Variants in ATAD3B observed in about 807,000 individuals in gnomAD.
The protein encoded by ATAD3B is ATPase family AAA domain-containing protein 3B.
Under a neutral mutation model 70.2 loss-of-function variants are expected in ATAD3B, and 59 were observed. That is an observed-to-expected ratio of 0.84 (90% confidence interval 0.68 to 1.04). The LOEUF is 1.04. Among genes scored for constraint, ATAD3B ranks in the 50% least tolerant of loss-of-function variants. The pLI, the probability that ATAD3B is intolerant of heterozygous loss-of-function variation, is 0.00. For synonymous variants in ATAD3B, 423 were observed against 388.6 expected, an observed-to-expected ratio of 1.09 and a Z score of -1.04; for missense variants, 961 against 913.4, an observed-to-expected ratio of 1.05 and a Z score of -0.67.
Position 1,471,959 on chromosome 1 carries a change from G to A in ATAD3B, c.75G>A (p.Ala25=). 8.1e-7 allele frequency: 1 copy of A among 1,238,624 alleles called. No individual in the cohort carries two copies. Among genetic ancestry groups the A allele is most frequent in the Non-Finnish European group, 1.0e-6 (1 of 986,598 alleles). 76.7% of individuals were successfully genotyped at this position (1,238,624 alleles called of 1,614,324 possible). A position where few individuals can be genotyped will look rare whatever the true frequency, so the allele number is the denominator to read the frequency against. ...GGCCGCCGCCGCCTTTGCCGCCCGC[G>A]CAGCCCGGGGCCGAGGGCGGCGGGG... ...GAGPPPPLPP[A]QPGAEGGGDR... The change falls in exon 1 of 16, where the codon GCG becomes GCA. Residue 25 remains alanine (A), a synonymous_variant. Transcript: ENST00000673477.
intron 1 of ATAD3B, among the ~76,000 whole-genome samples, chr1:1,474,251 C>A (rs1444486248): frequency 6.6e-6 from 1 of 151,022 alleles, no homozygotes; most frequent in Non-Finnish European, 1.5e-5. Flanking sequence ...AGTGCAGTGG[C>A]GTGATCACGG....
intron 1 of ATAD3B, among the ~76,000 whole-genome samples, chr1:1,474,493 C>G (rs561070996): frequency 6.6e-6 from 1 of 150,436 alleles, no homozygotes; most frequent in South Asian, 2.1e-4. Flanking sequence ...CCCGGCTTTG[C>G]TCCGTAATTT....
downstream of ATAD3B, among the ~76,000 whole-genome samples, chr1:1,500,701 C>T (rs573370733): frequency 7.3e-5 from 11 of 151,706 alleles, no homozygotes; most frequent in South Asian, 2.3e-3. Context: ...TGCCTGTAAT[C>T]CCAGCACTTT....
intron 4 of ATAD3B, among the ~76,000 whole-genome samples, chr1:1,480,635 A>G (rs1198454577): frequency 1.4e-5 from 2 of 147,196 alleles, no homozygotes; most frequent in African/African-American, 5.1e-5. Context: ...GGGAAGCCAC[A>G]GTGGGGGCTG....
In ATAD3B at chr1:1,480,757, C is replaced by T. The variant is rs1420206833; in HGVS notation, c.445-110C>T. The T allele has an allele frequency of 3.9e-6, 6 of 1,545,598 alleles. 1 individual carries two copies. Among genetic ancestry groups the T allele is most frequent in the South Asian group, 2.4e-5 (2 of 84,484 alleles). Reference sequence around the variant, plus strand: ...TGCGGCGTCTGCAGGTCCCCAGGTGCCCAGGACGCTTGGAGTTCTGTGGTC... The same window carrying T: ...TGCGGCGTCTGCAGGTCCCCAGGTGTCCAGGACGCTTGGAGTTCTGTGGTC... On this transcript the variant is annotated intron_variant, in intron 4 of 15. Transcript: ENST00000673477.
chr1:1,489,048 C>A, intron 12 of ATAD3B, 156 bp from the exon 13 acceptor site: 1 of 1,354,196 alleles, frequency 7.4e-7, no homozygotes, highest in African/African-American at 1.4e-5. Flanking sequence ...ATGCTTGAGC[C>A]ACCGCCCCTG....
chr1:1,489,614 C>G lies in ATAD3B; in HGVS notation c.1337+340C>G, dbSNP rs527602023. 3.9e-6 allele frequency: 5 copies of G among 1,295,830 alleles called. No individual in the cohort carries two copies. The African/African-American group carries it at 6.1e-5, about 16-fold the overall frequency. 80.3% of individuals were successfully genotyped at this position (1,295,830 alleles called of 1,614,324 possible). A position where few individuals can be genotyped will look rare whatever the true frequency, so the allele number is the denominator to read the frequency against. ...CGCCCAGAGGTCCCCAGTAGGGTGA[C>G]CGGCCCTATGTCCAGGCTCCCTCTT... On this transcript the variant is annotated intron_variant, in intron 13 of 15. Coordinates refer to ENST00000673477, the MANE Select transcript of ATAD3B (RefSeq NM_031921.6).
Position 1,486,148 on chromosome 1 carries a change from A to G in ATAD3B, c.1002A>G (p.Ala334=), listed in dbSNP as rs761645251. Residue 334 remains alanine (A), a synonymous_variant, in exon 10 of 16, where the codon GCA becomes GCG. Coordinates refer to ENST00000673477, the MANE Select transcript of ATAD3B (RefSeq NM_031921.6). ...LEARVRDIAI[A]TRNTKKNRGL... ...CACGGGTGCGCGACATCGCCATAGC[A>G]ACCAGGAACACCAAGAAGAACCGGG... 23 of 1,613,188 alleles carry G rather than the reference A, an allele frequency of 1.4e-5. No individual in the cohort carries two copies. The highest frequency in any genetic ancestry group is 1.6e-5 in the Non-Finnish European group (19 of 1,179,598).
Position 1,490,602 on chromosome 1 carries a change from C to T in ATAD3B, c.1545C>T (p.Cys515=). Residue 515 remains cysteine (C), a synonymous_variant, in exon 15 of 16, where the codon TGC becomes TGT. Coordinates refer to ENST00000673477, the MANE Select transcript of ATAD3B (RefSeq NM_031921.6). ...CCCAGTTTGACTACGGGAGGAAGTGCTCGGAGGTCGCTCGGCTGACGGAGG... is the reference window on the plus strand; with the variant it reads ...CCCAGTTTGACTACGGGAGGAAGTGTTCGGAGGTCGCTCGGCTGACGGAGG... ...KLAQFDYGRK[C]SEVARLTEGM... is the part of the protein sequence containing the mutation. The T allele has an allele frequency of 6.2e-7, 1 of 1,609,280 alleles. No individual in the cohort carries two copies. The highest frequency in any genetic ancestry group is 8.5e-7 in the Non-Finnish European group (1 of 1,178,376).
At chr1:1,505,374 G>A in the ATAD3B span, among the ~76,000 whole-genome samples, 1 of 152,216 alleles carries the variant, frequency 6.6e-6, no homozygotes, top group East Asian at 1.9e-4. Context: ...AGGTGTACAG[G>A]ATGGAACGTG....
rs573580726 is a variant in ATAD3B, at chr1:1,481,927, G to T, written c.515-211G>T. ...GTGGCGTGGGCCGGTCCACGGCATG[G>T]GCCTGTCTGTGGCGTGGGCCGGTCC... On this transcript the variant is annotated intron_variant, in intron 5 of 15. Coordinates refer to ENST00000673477, the MANE Select transcript of ATAD3B (RefSeq NM_031921.6). 4.6e-4 allele frequency among the ~76,000 whole-genome samples: 70 copies of T among 152,148 alleles called. 1 individual carries two copies. Among genetic ancestry groups the T allele is most frequent in the African/African-American group, 1.5e-3 (64 of 41,520 alleles).
chr1:1,485,290 G>T (rs369821249), intron 8 of ATAD3B, 119 bp downstream of exon 8: 24 of 1,476,824 alleles, frequency 1.6e-5, no homozygotes, highest in Non-Finnish European at 2.1e-5. Context: ...ACAGGCACCC[G>T]CACGCTGCTT....
At chr1:1,503,696 C>T in the ATAD3B span, 18 of 1,607,786 alleles carry the variant, frequency 1.1e-5, no homozygotes, top group South Asian at 9.9e-5. Context: ...GAGGCCGGGG[C>T]GCACATGGGG....
chr1:1,474,463 T>C (rs1444087532), intron 1 of ATAD3B, among the ~76,000 whole-genome samples: 1 of 151,220 alleles, frequency 6.6e-6, no homozygotes, highest in Non-Finnish European at 1.5e-5. Context: ...GTGCTGGGAT[T>C]ACAGACGTGA....
At position 1,480,979 on chromosome 1, in the gene ATAD3B, C is replaced by A. The variant is rs2100548361; in HGVS notation, c.514+43C>A. The A allele has an allele frequency of 1.9e-6, 3 of 1,581,982 alleles. 1 individual carries two copies. In the South Asian group the frequency reaches 3.4e-5, roughly 18 times the overall value. On this transcript the variant is annotated intron_variant, in intron 5 of 15. Coordinates refer to ENST00000673477, the MANE Select transcript of ATAD3B (RefSeq NM_031921.6). ...CTGGCTGGGGCGGAGGTGGCGGGGG[C>A]TGCTTGTGGATCCGGCGTGCACTCT...
At chr1:1,501,955 C>T (rs140354938), downstream of ATAD3B, among the ~76,000 whole-genome samples, 369 of 151,724 alleles carry the variant, frequency 2.4e-3, no homozygotes, top group African/African-American at 8.2e-3. Context: ...GTTGGCTCAC[C>T]GCAACCTCCA....
At chr1:1,485,955 C>T (rs1441547242) in intron 9 of ATAD3B, 117 bp downstream of exon 9, 17 of 1,596,042 alleles carry the variant, frequency 1.1e-5, no homozygotes, top group Middle Eastern at 2.1e-4. Context: ...TCCTGAGATG[C>T]AACTGCTTGG....
intron 1 of ATAD3B, among the ~76,000 whole-genome samples, chr1:1,475,883 G>C (rs1418084722): frequency 1.3e-5 from 2 of 150,778 alleles, no homozygotes; most frequent in South Asian, 4.3e-4. Context: ...CCATTTTCAG[G>C]GGAGGGAGTG....
chr1:1,472,645 C>T (rs145908856), intron 1 of ATAD3B, among the ~76,000 whole-genome samples: 3,534 of 152,150 alleles, frequency 0.023, 171 homozygotes, highest in African/African-American at 0.08. Context: ...GACCCAAGGC[C>T]CTCAGGGTGT....
Sources: gnomAD v4.1 joint callset for allele counts (sites outside exome capture counted in the v4.1 genomes callset) on GRCh38, gnomAD v4.1.1 for gene constraint, MANE v1.5 for transcripts, NCBI Gene and HGNC (gene_info 2026-07-23, HGNC 2026-07-21) for gene names.